Variants in SDHB observed in about 807,000 individuals in gnomAD.
The protein encoded by SDHB is succinate dehydrogenase complex iron sulfur subunit B, also known as succinate dehydrogenase [ubiquinone] iron-sulfur subunit, mitochondrial.
SDHB carries 21 observed loss-of-function variants against 39.7 expected under a neutral mutation model. That is an observed-to-expected ratio of 0.53 (90% CI 0.37 to 0.76). The LOEUF (loss-of-function observed/expected upper bound fraction) is 0.76. Among genes scored for constraint, SDHB ranks in the 30% least tolerant of loss-of-function variants. SDHB has a pLI of 0.00. For synonymous variants in SDHB, 118 were observed against 117.0 expected (o/e 1.01, Z -0.06); for missense variants, 343 against 350.9 (o/e 0.98, Z 0.18).
At chr1:17,051,669 T>C (rs1271732416) in intron 1 of SDHB, among the ~76,000 whole-genome samples, 3 of 140,666 alleles carry the variant, frequency 2.1e-5, no homozygotes, top group Non-Finnish European at 4.6e-5. Flanking sequence ...TGGGTAGTAT[T>C]AATATCTGCC....
intron 5 of SDHB, among the ~76,000 whole-genome samples, chr1:17,026,823 C>T (rs373089688): frequency 3.3e-5 from 5 of 151,854 alleles, no homozygotes; most frequent in African/African-American, 9.7e-5. Context: ...CTATGTTGCC[C>T]GGGCTGGCCT....
At chr1:17,022,821 A>T in intron 6 of SDHB, 91 bp from the exon 7 acceptor site, 1 of 1,506,130 alleles carries the variant, frequency 6.6e-7, no homozygotes, top group Non-Finnish European at 9.0e-7. Flanking sequence ...TGCAGAGGAA[A>T]GGGAATTCAC....
chr1:17,053,090 A>T (rs2078157620), intron 1 of SDHB, among the ~76,000 whole-genome samples: 1 of 152,174 alleles, frequency 6.6e-6, no homozygotes, highest in Non-Finnish European at 1.5e-5. Flanking sequence ...AGGATTTGCA[A>T]ATCCTTAGTC....
chr1:17,041,896 G>A (rs2101538284), intron 2 of SDHB, among the ~76,000 whole-genome samples: 1 of 151,770 alleles, frequency 6.6e-6, no homozygotes, highest in African/African-American at 2.4e-5. Flanking sequence ...CCCAAAATGT[G>A]TCTTCTCGTT....
intron 1 of SDHB, chr1:17,052,457 A>G (rs2078153932): frequency 6.6e-6 from 1 of 152,178 alleles, no homozygotes; most frequent in Non-Finnish European, 1.5e-5. Flanking sequence ...GGCCCTGCAA[A>G]GACCTTGCCT....
intron 5 of SDHB, 139 bp from the exon 6 acceptor site, chr1:17,024,213 G>C: frequency 4.3e-6 from 3 of 701,838 alleles, no homozygotes; most frequent in Non-Finnish European, 7.8e-6. Flanking sequence ...CAAAATCCAA[G>C]GGGTGATTTG....
Position 17,044,868 on chromosome 1 carries a change from T to C in SDHB, c.93A>G (p.Thr31=). Residue 31 remains threonine (T), a synonymous_variant, in exon 2 of 8, where the codon ACA becomes ACG. Transcript: ENST00000375499. The part of the protein sequence containing the change: ...ACLQASRGAQ[T]AAATAPRIKK... The stretch of plus-strand genomic sequence containing the variant: ...TGATACGGGGAGCTGTGGCTGCAGC[T>C]GTCTGGGCTCCTCGGGAGGCCTGAA... 3 of 1,613,964 alleles carry C rather than the reference T, an allele frequency of 1.9e-6. No homozygotes were observed. The highest frequency in any genetic ancestry group is 2.5e-6 in the Non-Finnish European group (3 of 1,179,964).
intron 4 of SDHB, among the ~76,000 whole-genome samples, chr1:17,028,358 C>A (rs546241274): frequency 6.6e-6 from 1 of 152,278 alleles, no homozygotes; most frequent in South Asian, 2.1e-4. Flanking sequence ...TTCTGCCATT[C>A]AAATTCTTTA....
chr1:17,031,338 T>C (rs950269914), intron 3 of SDHB, among the ~76,000 whole-genome samples: 2 of 152,122 alleles, frequency 1.3e-5, no homozygotes, highest in Non-Finnish European at 2.9e-5. Flanking sequence ...TCCCTGGGAA[T>C]TCTCTTACAA....
intron 1 of SDHB, among the ~76,000 whole-genome samples, chr1:17,046,036 C>T (rs750979542): frequency 6.6e-6 from 1 of 152,128 alleles, no homozygotes; most frequent in African/African-American, 2.4e-5. Flanking sequence ...TGGTCAAGAC[C>T]GTCTACCAGT....
chr1:17,026,336 G>A (rs559181316), intron 5 of SDHB, among the ~76,000 whole-genome samples: 1 of 152,166 alleles, frequency 6.6e-6, no homozygotes, highest in African/African-American at 2.4e-5. Context: ...GTGACAGACT[G>A]GGCACACTTA....
intron 1 of SDHB, among the ~76,000 whole-genome samples, chr1:17,048,113 T>C (rs1277218621): frequency 6.6e-6 from 1 of 152,212 alleles, no homozygotes; most frequent in African/African-American, 2.4e-5. Flanking sequence ...CATTGCCCTT[T>C]TATAGCCCTG....
At chr1:17,035,826 C>T (rs2078047752) in intron 2 of SDHB, among the ~76,000 whole-genome samples, 1 of 151,878 alleles carries the variant, frequency 6.6e-6, no homozygotes, top group South Asian at 2.1e-4. Context: ...CACCACTGCA[C>T]TCCAGCCTGG....
At chr1:17,049,061 G>C (rs1038023228) in intron 1 of SDHB, among the ~76,000 whole-genome samples, 1 of 152,058 alleles carries the variant, frequency 6.6e-6, no homozygotes. Context: ...GCCCAGGCTG[G>C]AGATCATGGC....
At chr1:17,026,181 G>T (rs2077990125) in intron 5 of SDHB, among the ~76,000 whole-genome samples, 1 of 152,180 alleles carries the variant, frequency 6.6e-6, no homozygotes. Flanking sequence ...AGAGGGCCCG[G>T]TTCAGCCTGG....
chr1:17,041,254 C>T (rs1231188112), intron 2 of SDHB, among the ~76,000 whole-genome samples: 1 of 152,158 alleles, frequency 6.6e-6, no homozygotes, highest in Non-Finnish European at 1.5e-5. Flanking sequence ...TTTTCCTTTT[C>T]AAATATTATA....
At chr1:17,041,584 C>A (rs1484634725) in intron 2 of SDHB, among the ~76,000 whole-genome samples, 3 of 152,084 alleles carry the variant, frequency 2.0e-5, no homozygotes, top group Non-Finnish European at 4.4e-5. Context: ...ATCGCTTGAA[C>A]CCGGGAGGCG....
chr1:17,053,864 C>T, intron 1 of SDHB, 84 bp downstream of exon 1: 1 of 1,018,540 alleles, frequency 9.8e-7, no homozygotes, highest in Non-Finnish European at 1.5e-6. Flanking sequence ...CCCTATGCTT[C>T]CTCAGTCTCT....
At chr1:17,040,721 C>T (rs60515891) in intron 2 of SDHB, among the ~76,000 whole-genome samples, 22,060 of 152,110 alleles carry the variant, frequency 0.15, 2,353 homozygotes, top group African/African-American at 0.3. Context: ...GCCTCAGCTT[C>T]CCAAAGTGCT....
Sources: allele counts gnomAD v4.1 joint callset (sites outside exome capture counted in the v4.1 genomes callset), GRCh38; gene constraint gnomAD v4.1.1; transcripts MANE v1.5; gene names NCBI Gene and HGNC (gene_info 2026-07-23, HGNC 2026-07-21).